EHD4: variants seen among roughly 807,000 people sequenced by gnomAD.
The protein encoded by EHD4 is EH domain-containing protein 4.
EHD4 carries 37 observed loss-of-function variants against 51.0 expected under a neutral mutation model. That is an observed-to-expected ratio of 0.73 (90% CI 0.56 to 0.95). The LOEUF is 0.95. EHD4 is among the 40% of genes least tolerant of loss of function. The pLI is 0.00. For synonymous variants in EHD4, 297 were observed against 317.3 expected (o/e 0.94, Z 0.68); for missense variants, 632 against 733.1 (o/e 0.86, Z 1.59).
chr15:41,928,553 G>A (rs2067677831), intron 3 of EHD4: 1 of 152,136 alleles, frequency 6.6e-6, no homozygotes, highest in Admixed American at 6.5e-5. Flanking sequence ...TTTCCTAAGT[G>A]TTCTACAATG....
chr15:41,913,354 C>T (rs2067562244), intron 4 of EHD4, among the ~76,000 whole-genome samples: 2 of 152,198 alleles, frequency 1.3e-5, no homozygotes, highest in Admixed American at 6.5e-5. Context: ...GGTGGAAACA[C>T]TTGGGTCTTC....
intron 1 of EHD4, among the ~76,000 whole-genome samples, chr15:41,971,337 T>C (rs1440895539): frequency 6.6e-6 from 1 of 152,250 alleles, no homozygotes; most frequent in Non-Finnish European, 1.5e-5. Context: ...TTGTTTCAAC[T>C]GATACACGGC....
At chr15:41,902,139 C>T (rs2067481619) in intron 5 of EHD4, among the ~76,000 whole-genome samples, 1 of 152,178 alleles carries the variant, frequency 6.6e-6, no homozygotes, top group African/African-American at 2.4e-5. Flanking sequence ...CTGGGAAACA[C>T]TGTGACTGCC....
chr15:41,926,270 T>TCCC (rs1165279911), intron 3 of EHD4: 1 of 152,344 alleles, frequency 6.6e-6, no homozygotes, highest in East Asian at 1.9e-4. Context: ...GCAGCCGAGC[T>TCCC]CCCCCTGCCA....
At chr15:41,901,297 G>A (rs1239686987) in intron 5 of EHD4, 116 bp from the exon 6 acceptor site, 3 of 1,105,730 alleles carry the variant, frequency 2.7e-6, no homozygotes, top group Non-Finnish European at 3.7e-6. Context: ...CCACTACTCA[G>A]GAGTGCACTC....
chr15:41,922,797 AACAGGT>A (rs1413288069), intron 3 of EHD4, among the ~76,000 whole-genome samples: 1 of 152,250 alleles, frequency 6.6e-6, no homozygotes, highest in African/African-American at 2.4e-5. Flanking sequence ...TGTCTGGAGG[AACAGGT>A]ACATATCCAT....
chr15:41,919,572 T>C lies in EHD4; in HGVS notation c.562A>G (p.Ile188Val). ...LQWFAERVDRIILLFDAHKLD... is the reference protein window; with the variant it reads ...LQWFAERVDRVILLFDAHKLD... ...TTGTGAGCGTCAAAGAGCAGGATGA[T>C]CCTGTCCACCCTCTCGGCAAACCAC... Residue 188 changes from isoleucine (I) to valine (V), a missense_variant, in exon 4 of 6, where the codon ATC becomes GTC. Ile to Val is a conservative substitution (Grantham distance 29, BLOSUM62 3). Transcript: ENST00000220325. 1 of 1,521,934 alleles carries C rather than the reference T, an allele frequency of 6.6e-7. No individual in the cohort carries two copies. The highest frequency in any genetic ancestry group is 8.8e-7 in the Non-Finnish European group (1 of 1,136,684). The allele number at this position is 1,521,934 out of a possible 1,614,324, so 94.3% of individuals were successfully genotyped here.
chr15:41,933,470 A>G (rs1023713280), intron 3 of EHD4, among the ~76,000 whole-genome samples: 2 of 152,210 alleles, frequency 1.3e-5, no homozygotes, highest in African/African-American at 2.4e-5. Context: ...GGGAAAATGA[A>G]GCTCAAAGAG....
At chr15:41,913,149 G>A (rs992250046) in intron 4 of EHD4, among the ~76,000 whole-genome samples, 37 of 152,176 alleles carry the variant, frequency 2.4e-4, no homozygotes, top group African/African-American at 8.2e-4. Context: ...GTGGGAATGC[G>A]GGTGAAGACT....
At chr15:41,966,222 G>A (rs531330219) in intron 1 of EHD4, among the ~76,000 whole-genome samples, 160 of 151,942 alleles carry the variant, frequency 1.1e-3, no homozygotes, top group African/African-American at 3.6e-3. Flanking sequence ...CTCAACCCGC[G>A]CCATCTGGCT....
chr15:41,938,291 T>C (rs953720476), intron 3 of EHD4, among the ~76,000 whole-genome samples: 4 of 152,230 alleles, frequency 2.6e-5, no homozygotes, highest in African/African-American at 9.6e-5. Flanking sequence ...GCCTTTTTGA[T>C]TCTTGAGGGC....
chr15:41,950,840 T>C (rs547817809), intron 2 of EHD4, among the ~76,000 whole-genome samples: 3 of 152,328 alleles, frequency 2.0e-5, no homozygotes, highest in South Asian at 2.1e-4. Context: ...GAGCAAGTCA[T>C]GTCTTTGCTT....
At chr15:41,947,240 C>T (rs949706709) in intron 2 of EHD4, among the ~76,000 whole-genome samples, 28 of 152,332 alleles carry the variant, frequency 1.8e-4, no homozygotes, top group African/African-American at 3.4e-4. Context: ...AAAGGGGTGA[C>T]GTGCCACAGC....
chr15:41,962,829 G>A (rs2067934483), intron 1 of EHD4, among the ~76,000 whole-genome samples: 1 of 152,174 alleles, frequency 6.6e-6, no homozygotes, highest in African/African-American at 2.4e-5. Flanking sequence ...CCATGATGAG[G>A]ATGGCGGTTT....
intron 3 of EHD4, among the ~76,000 whole-genome samples, chr15:41,936,420 A>G (rs2067732244): frequency 6.6e-6 from 1 of 152,234 alleles, no homozygotes; most frequent in Admixed American, 6.5e-5. Context: ...TAATATGTGG[A>G]AAGCACTTAA....
intron 3 of EHD4, among the ~76,000 whole-genome samples, chr15:41,927,820 C>T (rs187252460): frequency 4.5e-4 from 68 of 152,172 alleles, no homozygotes; most frequent in African/African-American, 1.5e-3. Flanking sequence ...CTTAAAAATG[C>T]GTAAAGAGGG....
Position 41,901,461 on chromosome 15 carries a change from T to C in EHD4, c.1090-280A>G, listed in dbSNP as rs549166084. Among the ~76,000 whole-genome samples the C allele has an allele frequency of 5.0e-3, 760 of 152,362 alleles. 5 individuals are homozygous for C. Among genetic ancestry groups the C allele is most frequent in the Non-Finnish European group, 6.8e-3 (464 of 68,036 alleles). On this transcript the variant is annotated intron_variant, in intron 5 of 5. Coordinates refer to ENST00000220325, the MANE Select transcript of EHD4 (RefSeq NM_139265.4). Reference sequence around the variant, plus strand: ...TCTGAGAAACCTTCTTTCACCTGCCTTTTTAAAAATGCTCTAGAGTTAGTA... The same window carrying C: ...TCTGAGAAACCTTCTTTCACCTGCCCTTTTAAAAATGCTCTAGAGTTAGTA...
chr15:41,952,907 T>C (rs1297541123), intron 2 of EHD4, among the ~76,000 whole-genome samples: 1 of 149,118 alleles, frequency 6.7e-6, no homozygotes, highest in Non-Finnish European at 1.5e-5. Context: ...GGAGAATTGC[T>C]TGAACCTGGG....
At chr15:41,943,215 C>T (rs1377208306) in intron 2 of EHD4, 51 bp from the exon 3 acceptor site, 3 of 1,451,100 alleles carry the variant, frequency 2.1e-6, no homozygotes, top group Admixed American at 2.0e-5. Context: ...TCACAGAGTG[C>T]TCCAACCATG....
Sources: allele counts gnomAD v4.1 joint callset (sites outside exome capture counted in the v4.1 genomes callset), GRCh38; gene constraint gnomAD v4.1.1; transcripts MANE v1.5; gene names NCBI Gene and HGNC (gene_info 2026-07-23, HGNC 2026-07-21).